The following ENTR1 variants were observed in gnomAD, a reference collection of about 807,000 sequenced individuals.
The protein encoded by ENTR1 is endosome-associated-trafficking regulator 1.
A neutral mutation model predicts 47.9 loss-of-function variants in ENTR1; 47 were observed. That is an observed-to-expected ratio of 0.98 (90% confidence interval 0.78 to 1.25). The LOEUF is 1.25. Among genes scored for constraint, ENTR1 ranks in the 50% most tolerant of loss-of-function variants. ENTR1 has a pLI of 0.00. For missense variants in ENTR1, 668 were observed against 570.5 expected (o/e 1.17, Z -1.74); for synonymous variants, 290 against 245.8 (o/e 1.18, Z -1.68).
rs1382107195 is a variant in ENTR1 at position 136,410,595 on chromosome 9, G to C, written c.-198C>G. 4.0e-6 allele frequency: 5 copies of C among 1,263,846 alleles called. No homozygotes were observed. Among genetic ancestry groups the C allele is most frequent in the Non-Finnish European group, 2.0e-6 (2 of 993,850 alleles). 78.3% of individuals were successfully genotyped at this position (1,263,846 alleles called of 1,614,324 possible). On this transcript the variant is annotated 5_prime_UTR_variant, in exon 1 of 10. Transcript: ENST00000357365. ...CCGAAAGCGCGTGCCTGAACGCCTT[G>C]GGCCGTCGGCGAGGGGGAGGGGAAG...
intron 3 of ENTR1, among the ~76,000 whole-genome samples, chr9:136,408,360 C>T (rs563940378): frequency 2.8e-4 from 43 of 152,112 alleles, no homozygotes; most frequent in Non-Finnish European, 5.0e-4. Flanking sequence ...GGGCGGATCA[C>T]GAGGTCAGGA....
rs1834688409 is a variant in ENTR1, at chr9:136,404,885, C to T, written c.1006-192G>A. The T allele has an allele frequency of 7.4e-6, 5 of 672,086 alleles. No homozygotes were observed. In the East Asian group the frequency reaches 1.1e-4, roughly 15 times the overall value. The allele number at this position is 672,086 out of a possible 1,614,324, so 41.6% of individuals were successfully genotyped here. A position where few individuals can be genotyped will look rare whatever the true frequency, so the allele number is the denominator to read the frequency against. On this transcript the variant is annotated intron_variant, in intron 7 of 9. Coordinates refer to ENST00000357365, the MANE Select transcript of ENTR1 (RefSeq NM_001039707.2). Reference sequence around the variant, plus strand: ...AAGGGCTCATCGTGCAGTGTCTGTGCTCTGGCCCCCCACTCCCCACGGATG... The same window carrying T: ...AAGGGCTCATCGTGCAGTGTCTGTGTTCTGGCCCCCCACTCCCCACGGATG...
intron 3 of ENTR1, 65 bp downstream of exon 3, chr9:136,408,934 A>ACCAGACACG: frequency 7.3e-7 from 1 of 1,366,228 alleles, no homozygotes; most frequent in Non-Finnish European, 1.0e-6. Flanking sequence ...TGACAGTCCC[A>ACCAGACACG]CCAGACACGT....
chr9:136,406,168 G>T (rs1014501513), intron 5 of ENTR1, among the ~76,000 whole-genome samples, 190 bp from the exon 6 acceptor site: 2 of 152,152 alleles, frequency 1.3e-5, no homozygotes, highest in African/African-American at 4.8e-5. Flanking sequence ...GGTCACAGAT[G>T]CCAGTTAATT....
intron 3 of ENTR1, 57 bp from the exon 4 acceptor site, chr9:136,407,995 C>A (rs968215693): frequency 1.8e-6 from 2 of 1,135,842 alleles, no homozygotes; most frequent in Middle Eastern, 1.9e-4. Context: ...TGAAAGGGAA[C>A]CTTCCTGTTC....
rs926977416 is a variant in ENTR1, at chr9:136,405,417, TGTTTG to T, written c.894-220_894-216del. On this transcript the variant is annotated intron_variant, in intron 6 of 9. Transcript: ENST00000357365. ...TCACAGCACTGCTGCTCCAACAAGG[TGTTTG>T]GTGGCTTTTTGCCTAAAGTTTAAAA... The T allele has an allele frequency of 7.5e-6, 4 of 536,086 alleles. No individual in the cohort carries two copies. In the African/African-American group the frequency reaches 7.6e-5, roughly 10 times the overall value. 33.2% of individuals were successfully genotyped at this position (536,086 alleles called of 1,614,324 possible).
At chr9:136,409,211 T>TGCTCTGTC in intron 2 of ENTR1, 144 bp from the exon 3 acceptor site, 1 of 627,638 alleles carries the variant, frequency 1.6e-6, no homozygotes, top group Non-Finnish European at 2.8e-6. Flanking sequence ...GACGGAGTCT[T>TGCTCTGTC]GCTCTGTCGC....
chr9:136,404,387 G>C lies in ENTR1; in HGVS notation c.1069-193C>G, dbSNP rs1054610320. ...CACTCCAGTATATGCTCAGCACCTAGCTCTATGGCAATAGGGACTCCTACA... is the reference window on the plus strand; with the variant it reads ...CACTCCAGTATATGCTCAGCACCTACCTCTATGGCAATAGGGACTCCTACA... On this transcript the variant is annotated intron_variant, in intron 8 of 9. Transcript: ENST00000357365. Among the ~76,000 whole-genome samples the C allele has an allele frequency of 1.6e-4, 25 of 152,272 alleles. No individual in the cohort carries two copies. The South Asian group carries it at 2.1e-3, about 13-fold the overall frequency.
At chr9:136,404,718 C>CA in intron 7 of ENTR1, 25 bp from the exon 8 acceptor site, 1 of 1,612,738 alleles carries the variant, frequency 6.2e-7, no homozygotes, top group Non-Finnish European at 8.5e-7. Context: ...AGAAAAACCA[C>CA]AAAAAGCATC....
chr9:136,406,105 A>G (rs1022098567), intron 5 of ENTR1, 127 bp from the exon 6 acceptor site: 9 of 545,464 alleles, frequency 1.6e-5, no homozygotes, highest in Non-Finnish European at 2.5e-5. Flanking sequence ...ATCCACCTGC[A>G]GCCACTACAG....
At chr9:136,404,978 C>T in intron 7 of ENTR1, 113 bp downstream of exon 7, 2 of 839,540 alleles carry the variant, frequency 2.4e-6, no homozygotes, top group Admixed American at 2.1e-5. Context: ...TCCCAGAGAG[C>T]CACATGGCCC....
rs1384069118 is a variant in ENTR1 at position 136,410,121 on chromosome 9, G to A, written c.189C>T (p.Pro63=). 6.2e-7 allele frequency: 1 copy of A among 1,612,890 alleles called. No individual in the cohort carries two copies. Among genetic ancestry groups the A allele is most frequent in the East Asian group, 2.2e-5 (1 of 44,842 alleles). The part of the protein sequence containing the change: ...GIRPAFMCYV[P]SPVLASVGDT... ...CTCCCACGGAAGCCAGCACCGGGCT[G>A]GGCACATAGCACATAAAGGCCGGCC... is the stretch of plus-strand genomic sequence containing the variant. The change falls in exon 2 of 10, where the codon CCC becomes CCT. Residue 63 remains proline (P), a synonymous_variant. Coordinates refer to ENST00000357365, the MANE Select transcript of ENTR1 (RefSeq NM_001039707.2).
intron 3 of ENTR1, among the ~76,000 whole-genome samples, chr9:136,408,220 C>T (rs1425275932): frequency 6.6e-6 from 1 of 152,132 alleles, no homozygotes; most frequent in East Asian, 1.9e-4. Flanking sequence ...TTAAAACGAC[C>T]CAAGCCACTC....
chr9:136,404,822 C>T, intron 7 of ENTR1, 129 bp from the exon 8 acceptor site: 1 of 869,544 alleles, frequency 1.2e-6, no homozygotes, highest in Middle Eastern at 3.0e-4. Flanking sequence ...CCCCTGTGCC[C>T]CTCCCAGTCC....
Position 136,410,329 on chromosome 9 carries a change from G to A in ENTR1, c.69C>T (p.Asp23=), listed in dbSNP as rs1223915631. ...LSRARSLAIP[D]APAFYERRSC... is the part of the protein sequence containing the mutation. The stretch of plus-strand genomic sequence containing the variant: ...GGACTCGGCCCCTGCCCCGCTCACC[G>A]TCGGGAATGGCGAGGCTCCGGGCTC... Residue 23 remains aspartate (D), a splice_region_variant and synonymous_variant, in exon 1 of 10, where the codon GAC becomes GAT. Coordinates refer to ENST00000357365, the MANE Select transcript of ENTR1 (RefSeq NM_001039707.2). The A allele has an allele frequency of 2.6e-6, 4 of 1,546,812 alleles. No individual in the cohort carries two copies. In the African/African-American group the frequency reaches 4.1e-5, roughly 16 times the overall value.
chr9:136,403,369 C>CGG (rs139835853), intron 9 of ENTR1, among the ~76,000 whole-genome samples: 1 of 38,056 alleles, frequency 2.6e-5, no homozygotes. Context: ...TGGGGTTTGC[C>CGG]GGGGGAGAAA....
rs2131560827 is a variant in ENTR1 at position 136,407,450 on chromosome 9, C to T, written c.514G>A (p.Asp172Asn). The change falls in exon 5 of 10, where the codon GAC (aspartate) becomes AAC (asparagine). Residue 172 changes from aspartate (D) to asparagine (N), a missense_variant. By Grantham distance (23) the Asp-to-Asn change is conservative. Coordinates refer to ENST00000357365, the MANE Select transcript of ENTR1 (RefSeq NM_001039707.2). ...TCATCCTCCTCCTCATCCAGGAGGT[C>T]ACCAGCCCCTGTCGGATCCTCGAAA... is the stretch of plus-strand genomic sequence containing the variant. ...PFFEDPTGAG[D>N]LLDEEEDEDT... 1 of 1,610,854 alleles carries T rather than the reference C, an allele frequency of 6.2e-7. No individual in the cohort carries two copies. The highest frequency in any genetic ancestry group is 2.2e-5 in the East Asian group (1 of 44,830).
Position 136,405,971 on chromosome 9 carries a change from T to C in ENTR1, c.827A>G (p.Asp276Gly), listed in dbSNP as rs1340110647. ...CTTTCTTCTCAGCTTAGAATTTTCA[T>C]CTTTCAGCTGTGGAGAGAGAACATC... The part of the protein sequence containing the change: ...TLQISYDALK[D>G]ENSKLRRKLN... The change falls in exon 6 of 10, where the codon GAT (aspartate) becomes GGT (glycine). Residue 276 changes from aspartate (D) to glycine (G), a missense_variant. By Grantham distance (94) the Asp-to-Gly change is moderately conservative. Transcript: ENST00000357365. The C allele has an allele frequency of 6.2e-7, 1 of 1,609,074 alleles. No individual in the cohort carries two copies. Among genetic ancestry groups the C allele is most frequent in the Admixed American group, 1.7e-5 (1 of 59,352 alleles).
At chr9:136,408,735 G>A (rs943908008) in intron 3 of ENTR1, among the ~76,000 whole-genome samples, 1 of 152,100 alleles carries the variant, frequency 6.6e-6, no homozygotes, top group Non-Finnish European at 1.5e-5. Context: ...GGGGACTTAA[G>A]CAGCCACACT....
Sources: allele counts gnomAD v4.1 joint callset (sites outside exome capture counted in the v4.1 genomes callset), GRCh38; gene constraint gnomAD v4.1.1; transcripts MANE v1.5; gene names NCBI Gene and HGNC (gene_info 2026-07-23, HGNC 2026-07-21).